CPQ: variants seen among roughly 807,000 people sequenced by gnomAD.
CPQ encodes the protein carboxypeptidase Q.
In CPQ, 37 loss-of-function variants were observed where a neutral mutation model predicts 45.7. The ratio of observed to expected loss-of-function variants is 0.81; its 90% CI spans 0.62 to 1.07. The LOEUF (loss-of-function observed/expected upper bound fraction) is 1.07, where lower values mean the gene tolerates loss of function less well. Ranked by LOEUF, CPQ falls within the 50% of genes least tolerant of loss-of-function variation. The pLI is 0.00. For synonymous variants in CPQ, 186 were observed against 205.8 expected, an observed-to-expected ratio of 0.90 and a Z score of 0.82; for missense variants, 537 against 572.9, an observed-to-expected ratio of 0.94 and a Z score of 0.64.
intron 3 of CPQ, among the ~76,000 whole-genome samples, chr8:96,845,714 A>T (rs866698478): frequency 7.9e-5 from 12 of 152,232 alleles, no homozygotes; most frequent in Admixed American, 5.9e-4. Flanking sequence ...AGGCTGAAAG[A>T]ATAGTAAATG....
intron 4 of CPQ, among the ~76,000 whole-genome samples, chr8:96,902,286 T>G (rs1563524717): frequency 6.6e-6 from 1 of 152,220 alleles, no homozygotes; most frequent in African/African-American, 2.4e-5. Context: ...TTGTGAAGAA[T>G]GTGCCAATAT....
At chr8:96,691,530 A>G (rs952866544) in intron 1 of CPQ, among the ~76,000 whole-genome samples, 2 of 152,160 alleles carry the variant, frequency 1.3e-5, no homozygotes, top group African/African-American at 4.8e-5. Flanking sequence ...TAACAGTTAT[A>G]TATATAGCAA....
chr8:96,789,605 T>C (rs1376339540), intron 2 of CPQ, among the ~76,000 whole-genome samples: 1 of 152,172 alleles, frequency 6.6e-6, no homozygotes, highest in Non-Finnish European at 1.5e-5. Context: ...GTTTGTTTTT[T>C]CCCCCAACTT....
intron 1 of CPQ, among the ~76,000 whole-genome samples, chr8:96,732,097 GA>G (rs1809920906): frequency 6.6e-6 from 1 of 152,132 alleles, no homozygotes; most frequent in Non-Finnish European, 1.5e-5. Flanking sequence ...GAATAATATT[GA>G]GTAGAATACA....
chr8:97,042,865 T>C (rs1196310766), intron 6 of CPQ, among the ~76,000 whole-genome samples: 3 of 152,166 alleles, frequency 2.0e-5, no homozygotes, highest in Non-Finnish European at 4.4e-5. Context: ...TTGTTATAAT[T>C]TCTGTTCTTT....
chr8:97,082,767 C>T (rs560730982), intron 7 of CPQ, among the ~76,000 whole-genome samples: 9 of 152,236 alleles, frequency 5.9e-5, no homozygotes, highest in African/African-American at 2.2e-4. Flanking sequence ...TTATTGAATA[C>T]CTGAAGTGTT....
intron 6 of CPQ, among the ~76,000 whole-genome samples, chr8:97,064,956 A>G (rs772914740): frequency 6.6e-6 from 1 of 152,192 alleles, no homozygotes; most frequent in African/African-American, 2.4e-5. Flanking sequence ...CCTATAAAAC[A>G]GCAACATTAA....
At chr8:97,090,790 G>A (rs922605229) in intron 7 of CPQ, among the ~76,000 whole-genome samples, 2 of 152,130 alleles carry the variant, frequency 1.3e-5, no homozygotes, top group Non-Finnish European at 2.9e-5. Context: ...TTCTCAAGCG[G>A]TTCTTTGGAA....
intron 4 of CPQ, among the ~76,000 whole-genome samples, chr8:96,910,082 G>C (rs1586447775): frequency 1.3e-5 from 2 of 152,136 alleles, no homozygotes; most frequent in South Asian, 4.1e-4. Context: ...CATGACAGGA[G>C]ACATGATGCT....
At chr8:96,835,297 TC>T (rs945074335) in intron 3 of CPQ, 117 bp downstream of exon 3, 16 of 792,764 alleles carry the variant, frequency 2.0e-5, no homozygotes, top group South Asian at 3.4e-5. Context: ...TCATGGAGTT[TC>T]CCCCCCAAAC....
At chr8:96,775,880 T>G (rs1810598791) in intron 1 of CPQ, among the ~76,000 whole-genome samples, 1 of 152,148 alleles carries the variant, frequency 6.6e-6, no homozygotes. Flanking sequence ...AGGGGCAGCA[T>G]CATCCATATT....
chr8:97,081,708 T>C (rs1810952874), intron 7 of CPQ, among the ~76,000 whole-genome samples: 2 of 152,206 alleles, frequency 1.3e-5, no homozygotes, highest in African/African-American at 4.8e-5. Context: ...TGAGCACCCA[T>C]GTTTTCAGAA....
At chr8:96,839,884 T>C (rs986894075) in intron 3 of CPQ, among the ~76,000 whole-genome samples, 5 of 152,224 alleles carry the variant, frequency 3.3e-5, no homozygotes, top group African/African-American at 1.2e-4. Flanking sequence ...ATTCTTTATG[T>C]AACCCAATAG....
intron 4 of CPQ, among the ~76,000 whole-genome samples, chr8:96,955,153 G>C (rs1392494930): frequency 1.3e-5 from 2 of 152,072 alleles, no homozygotes; most frequent in Non-Finnish European, 2.9e-5. Flanking sequence ...TCTGGTTCTA[G>C]ATCCCTGAGG....
In CPQ at chr8:96,928,403, CA is replaced by C. The variant is rs1240114607; in HGVS notation, c.850-37527del. Among the ~76,000 whole-genome samples, 6 of 150,126 alleles carry C rather than the reference CA, an allele frequency of 4.0e-5. No individual in the cohort carries two copies. In the East Asian group the frequency reaches 1.2e-3, roughly 29 times the overall value. On this transcript the variant is annotated intron_variant, in intron 4 of 7. Coordinates refer to ENST00000220763, the MANE Select transcript of CPQ (RefSeq NM_016134.4). ...TGCCTTCTCTGAGGTAAAAATAAGCCAAAAATTTGGTCCTGATATAAATGAG... is the reference window on the plus strand; with the variant it reads ...TGCCTTCTCTGAGGTAAAAATAAGCCAAAATTTGGTCCTGATATAAATGAG...
intron 1 of CPQ, among the ~76,000 whole-genome samples, chr8:96,662,857 G>A (rs1808850282): frequency 6.6e-6 from 1 of 151,964 alleles, no homozygotes; most frequent in African/African-American, 2.4e-5. Context: ...GTGTGGTGTG[G>A]CACTCCTGTG....
At chr8:96,831,330 A>G (rs1182490265) in intron 2 of CPQ, among the ~76,000 whole-genome samples, 1 of 152,172 alleles carries the variant, frequency 6.6e-6, no homozygotes, top group Non-Finnish European at 1.5e-5. Flanking sequence ...AAACTGATAA[A>G]TGCTGTAAAA....
intron 1 of CPQ, among the ~76,000 whole-genome samples, chr8:96,703,042 A>C (rs1164012370): frequency 6.6e-6 from 1 of 152,166 alleles, no homozygotes; most frequent in Non-Finnish European, 1.5e-5. Flanking sequence ...GATAGATATT[A>C]AATATGATAT....
intron 4 of CPQ, among the ~76,000 whole-genome samples, chr8:96,912,198 A>G (rs1295697087): frequency 6.6e-6 from 1 of 152,210 alleles, no homozygotes; most frequent in African/African-American, 2.4e-5. Context: ...TATGAAATGC[A>G]TTTGTTTTAT....
Sources: gnomAD v4.1 joint callset for allele counts (sites outside exome capture counted in the v4.1 genomes callset) on GRCh38, gnomAD v4.1.1 for gene constraint, MANE v1.5 for transcripts, NCBI Gene and HGNC (gene_info 2026-07-23, HGNC 2026-07-21) for gene names.